WWOX: variants seen among roughly 807,000 people sequenced by gnomAD.
WWOX encodes the protein WW domain-containing oxidoreductase.
A neutral mutation model predicts 46.2 loss-of-function variants in WWOX; 69 were observed. That is an observed-to-expected ratio of 1.49 (90% CI 1.23 to 1.82). The LOEUF (loss-of-function observed/expected upper bound fraction) is 1.82, where lower values mean the gene tolerates loss of function less well. Ranked by LOEUF, WWOX falls within the 40% of genes most tolerant of loss-of-function variation. The probability of loss-of-function intolerance (pLI) is 0.00; values close to 1 mark genes in which losing one functional copy is unlikely to be tolerated. For synonymous variants in WWOX, 359 were observed against 202.6 expected, an observed-to-expected ratio of 1.77 and a Z score of -6.56; for missense variants, 919 against 542.6, an observed-to-expected ratio of 1.69 and a Z score of -6.89.
At chr16:78,744,649 C>G (rs1047869002) in intron 8 of WWOX, among the ~76,000 whole-genome samples, 1 of 152,008 alleles carries the variant, frequency 6.6e-6, no homozygotes, top group Non-Finnish European at 1.5e-5. Flanking sequence ...CCAGGCTAGT[C>G]TTGAATTCTT....
chr16:78,128,760 A>ATT (rs1270172597), intron 4 of WWOX, among the ~76,000 whole-genome samples: 7 of 151,826 alleles, frequency 4.6e-5, no homozygotes, highest in Admixed American at 6.5e-5. Flanking sequence ...AACTCTCAAA[A>ATT]CTTTTTGTAT....
intron 5 of WWOX, among the ~76,000 whole-genome samples, chr16:78,217,845 A>T (rs1183891806): frequency 6.6e-6 from 1 of 152,180 alleles, no homozygotes; most frequent in African/African-American, 2.4e-5. Context: ...TGAAGTCAGC[A>T]TATAAGCTGG....
At chr16:79,148,876 G>A (rs951630086) in intron 8 of WWOX, among the ~76,000 whole-genome samples, 1 of 151,680 alleles carries the variant, frequency 6.6e-6, no homozygotes, top group Non-Finnish European at 1.5e-5. Context: ...CTATGAGCTT[G>A]CTGATTGCAT....
rs146316404 is a variant in WWOX, at chr16:78,625,190, C to T, written c.1056+192438C>T. On this transcript the variant is annotated intron_variant, in intron 8 of 8. Coordinates refer to ENST00000566780, the MANE Select transcript of WWOX (RefSeq NM_016373.4). ...GAGGGATCCTTTGACAACTCAGCTTCATGAGGACAGCTGCAGTTCTGCGTT... is the reference window on the plus strand; with the variant it reads ...GAGGGATCCTTTGACAACTCAGCTTTATGAGGACAGCTGCAGTTCTGCGTT... Among the ~76,000 whole-genome samples the T allele has an allele frequency of 1.5e-3, 235 of 152,322 alleles. 2 individuals carry two copies. Among genetic ancestry groups the T allele is most frequent in the African/African-American group, 5.3e-3 (221 of 41,580 alleles).
At chr16:78,207,864 G>A (rs1019441296) in intron 5 of WWOX, among the ~76,000 whole-genome samples, 6 of 151,868 alleles carry the variant, frequency 4.0e-5, no homozygotes, top group Admixed American at 3.9e-4. Context: ...TCAGGCTGGA[G>A]TACAGTGGCG....
At chr16:78,655,832 G>A (rs1239268130) in intron 8 of WWOX, among the ~76,000 whole-genome samples, 1 of 152,154 alleles carries the variant, frequency 6.6e-6, no homozygotes, top group Non-Finnish European at 1.5e-5. Context: ...CTATATTTAG[G>A]TGATGTGGGC....
At chr16:78,698,996 A>G (rs2048156691) in intron 8 of WWOX, among the ~76,000 whole-genome samples, 1 of 152,188 alleles carries the variant, frequency 6.6e-6, no homozygotes, top group South Asian at 2.1e-4. Flanking sequence ...CTAGAATAGG[A>G]CTTGACAGAC....
chr16:78,861,008 T>A (rs2043872770), intron 8 of WWOX, among the ~76,000 whole-genome samples: 1 of 151,946 alleles, frequency 6.6e-6, no homozygotes, highest in Non-Finnish European at 1.5e-5. Flanking sequence ...TTTGTAGAGA[T>A]GGGGTTTTGC....
intron 8 of WWOX, among the ~76,000 whole-genome samples, chr16:78,920,488 C>T (rs1420639951): frequency 6.6e-6 from 1 of 152,188 alleles, no homozygotes; most frequent in Non-Finnish European, 1.5e-5. Flanking sequence ...ACTGGAGGAA[C>T]TGCTGCCTGC....
intron 8 of WWOX, among the ~76,000 whole-genome samples, chr16:79,095,301 C>T (rs1000593682): frequency 2.6e-5 from 4 of 152,310 alleles, no homozygotes; most frequent in Non-Finnish European, 1.5e-5. Context: ...ATAGCTGTTC[C>T]TTCAAGGAGC....
intron 1 of WWOX, among the ~76,000 whole-genome samples, chr16:78,107,639 G>A (rs2032234397): frequency 6.6e-6 from 1 of 152,098 alleles, no homozygotes; most frequent in Non-Finnish European, 1.5e-5. Flanking sequence ...AGGAACCAGT[G>A]CTTAATGAAA....
intron 8 of WWOX, chr16:79,004,394 A>T (rs1418523216): frequency 6.6e-6 from 1 of 152,208 alleles, no homozygotes. Context: ...CTCATTTTCC[A>T]TTGGCCCTGG....
intron 6 of WWOX, among the ~76,000 whole-genome samples, chr16:78,408,742 A>C (rs1202598272): frequency 1.3e-5 from 2 of 152,196 alleles, no homozygotes; most frequent in African/African-American, 4.8e-5. Flanking sequence ...ATAAAGAGCA[A>C]GGGAAGAATT....
intron 8 of WWOX, among the ~76,000 whole-genome samples, chr16:78,722,931 A>C (rs2048729368): frequency 6.6e-6 from 1 of 151,952 alleles, no homozygotes; most frequent in Non-Finnish European, 1.5e-5. Context: ...AGCCCCACCT[A>C]CTTGGGAGGC....
At chr16:79,031,145 T>C (rs1038919539) in intron 8 of WWOX, among the ~76,000 whole-genome samples, 2 of 151,964 alleles carry the variant, frequency 1.3e-5, no homozygotes, top group African/African-American at 4.8e-5. Context: ...AGGGTTGCTT[T>C]AAAATGTCAA....
At chr16:78,397,000 C>A (rs1786386799) in intron 6 of WWOX, among the ~76,000 whole-genome samples, 1 of 152,150 alleles carries the variant, frequency 6.6e-6, no homozygotes, top group African/African-American at 2.4e-5. Flanking sequence ...CCTTTTTCAT[C>A]ATGAGAAATA....
chr16:78,881,306 G>A (rs539492510), intron 8 of WWOX, among the ~76,000 whole-genome samples: 16 of 151,986 alleles, frequency 1.1e-4, no homozygotes, highest in African/African-American at 3.6e-4. Flanking sequence ...GCCTGGCCCT[G>A]GTAAAATTTT....
At chr16:78,362,441 C>T (rs555461565) in intron 5 of WWOX, among the ~76,000 whole-genome samples, 50 of 152,206 alleles carry the variant, frequency 3.3e-4, no homozygotes, top group African/African-American at 1.2e-3. Context: ...GAAACCCTAT[C>T]CCTATTAAAA....
chr16:78,881,066 A>G (rs2044333670), intron 8 of WWOX, among the ~76,000 whole-genome samples: 1 of 142,746 alleles, frequency 7.0e-6, no homozygotes, highest in Non-Finnish European at 1.5e-5. Context: ...ATCACGGCTC[A>G]CTGCAACCTT....
Sources: allele counts gnomAD v4.1 joint callset (sites outside exome capture counted in the v4.1 genomes callset), GRCh38; gene constraint gnomAD v4.1.1; transcripts MANE v1.5; gene names NCBI Gene and HGNC (gene_info 2026-07-23, HGNC 2026-07-21).